LSAMP: variants seen among roughly 807,000 people sequenced by gnomAD.
LSAMP encodes the protein limbic system-associated membrane protein.
In LSAMP, 7 loss-of-function variants were observed where a neutral mutation model predicts 38.6. The observed-to-expected ratio is 0.18, with a 90% CI of 0.10 to 0.34. The LOEUF is 0.34. Ranked by LOEUF, LSAMP falls within the 10% of genes least tolerant of loss-of-function variation. LSAMP has a pLI of 1.00. For missense variants in LSAMP, 313 were observed against 420.0 expected (o/e 0.75, Z 2.23); for synonymous variants, 154 against 166.8 (o/e 0.92, Z 0.59).
chr3:116,202,938 T>G (rs949945866), intron 1 of LSAMP, among the ~76,000 whole-genome samples: 10 of 152,220 alleles, frequency 6.6e-5, no homozygotes, highest in Non-Finnish European at 1.0e-4. Flanking sequence ...CATAGAAATG[T>G]GTTCTTTGTT....
At chr3:116,176,787 G>T (rs559955432) in intron 1 of LSAMP, among the ~76,000 whole-genome samples, 1 of 152,238 alleles carries the variant, frequency 6.6e-6, no homozygotes, top group East Asian at 1.9e-4. Flanking sequence ...AATAGGAACA[G>T]AAACCAGTAA....
At chr3:116,439,939 T>A (rs1337436548) in intron 1 of LSAMP, among the ~76,000 whole-genome samples, 1 of 152,196 alleles carries the variant, frequency 6.6e-6, no homozygotes, top group African/African-American at 2.4e-5. Flanking sequence ...GCCAGGATGA[T>A]CTCAATCTCT....
rs1356676177 is a variant in LSAMP at position 115,802,621 on chromosome 3, T to C, written c.*7696A>G. 6.6e-6 allele frequency: 1 copy of C among 151,444 alleles called. No homozygotes were observed. Among genetic ancestry groups the C allele is most frequent in the East Asian group, 1.9e-4 (1 of 5,194 alleles). 9.4% of individuals were successfully genotyped at this position (151,444 alleles called of 1,614,324 possible). On this transcript the variant is annotated 3_prime_UTR_variant, in exon 7 of 7. Transcript: ENST00000490035. ...ACCTAATAAACAAAAATGAAAAACC[T>C]TGAAAAACAAAAAATCCCAAACAAA...
At chr3:116,212,389 T>A (rs988979715) in intron 1 of LSAMP, among the ~76,000 whole-genome samples, 2 of 152,186 alleles carry the variant, frequency 1.3e-5, no homozygotes, top group Admixed American at 1.3e-4. Context: ...TCAGATTAAG[T>A]GGAAAAGCCA....
At chr3:116,443,331 G>A (rs1266463804) in intron 1 of LSAMP, among the ~76,000 whole-genome samples, 12 of 152,212 alleles carry the variant, frequency 7.9e-5, no homozygotes, top group Non-Finnish European at 2.9e-5. Flanking sequence ...AGGCTGAAGA[G>A]CTAGAAGGGA....
At chr3:116,354,843 ATATGTGTG>A (rs1559839185) in intron 1 of LSAMP, among the ~76,000 whole-genome samples, 1 of 104,280 alleles carries the variant, frequency 9.6e-6, no homozygotes, top group African/African-American at 3.7e-5. Context: ...CTGGGTGTAT[ATATGTGTG>A]TGTGTGTGTG....
At chr3:115,907,907 C>G (rs987226173) in intron 3 of LSAMP, among the ~76,000 whole-genome samples, 4 of 152,082 alleles carry the variant, frequency 2.6e-5, no homozygotes, top group African/African-American at 9.7e-5. Context: ...CAACATGCCA[C>G]TTACTGGGCA....
At chr3:116,028,935 G>T (rs138039169) in intron 2 of LSAMP, among the ~76,000 whole-genome samples, 321 of 152,192 alleles carry the variant, frequency 2.1e-3, no homozygotes, top group African/African-American at 7.6e-3. Flanking sequence ...TTTAATAGAT[G>T]TCTAGACACT....
intron 3 of LSAMP, among the ~76,000 whole-genome samples, chr3:115,887,107 A>G (rs1936474297): frequency 6.6e-6 from 1 of 151,972 alleles, no homozygotes; most frequent in African/African-American, 2.4e-5. Flanking sequence ...ACCTTAAAAC[A>G]TGGGACAAAG....
chr3:115,865,617 C>T (rs1041445650), intron 3 of LSAMP, among the ~76,000 whole-genome samples: 1 of 152,144 alleles, frequency 6.6e-6, no homozygotes, highest in African/African-American at 2.4e-5. Context: ...ATAATAATCA[C>T]ACTGGAAACT....
intron 2 of LSAMP, among the ~76,000 whole-genome samples, chr3:116,055,668 A>G (rs888170420): frequency 3.3e-5 from 5 of 152,132 alleles, no homozygotes; most frequent in Admixed American, 3.3e-4. Context: ...GTCCTGGCTC[A>G]CCCTGGGACC....
intron 1 of LSAMP, among the ~76,000 whole-genome samples, chr3:116,338,731 C>T (rs1407940937): frequency 6.6e-6 from 1 of 151,950 alleles, no homozygotes; most frequent in Non-Finnish European, 1.5e-5. Flanking sequence ...CTGTCATTCT[C>T]CTCTAATTCT....
intron 1 of LSAMP, among the ~76,000 whole-genome samples, chr3:116,416,747 C>CT (rs534836306): frequency 5.3e-4 from 81 of 152,252 alleles, no homozygotes; most frequent in South Asian, 4.6e-3. Context: ...TTATCACCTC[C>CT]TGGGTCCCTT....
intron 1 of LSAMP, among the ~76,000 whole-genome samples, chr3:116,320,898 T>G (rs2047698592): frequency 1.3e-5 from 2 of 152,198 alleles, no homozygotes; most frequent in Admixed American, 6.5e-5. Flanking sequence ...TTTAGGATCA[T>G]TCTGAAATCA....
intron 3 of LSAMP, among the ~76,000 whole-genome samples, chr3:115,982,738 C>T (rs1356209235): frequency 2.0e-5 from 3 of 152,110 alleles, no homozygotes; most frequent in African/African-American, 7.2e-5. Flanking sequence ...TATTTCTCCT[C>T]TTTCTCTTTT....
chr3:116,086,417 G>C lies in LSAMP; in HGVS notation c.295C>G (p.Gln99Glu), dbSNP rs1184465262. Reference sequence around the variant, plus strand: ...CCCTCATCATAGACATCCACCTTCTGGATTCGGAGGCTGTATTCCAGAGAA... The same window carrying C: ...CCCTCATCATAGACATCCACCTTCTCGATTCGGAGGCTGTATTCCAGAGAA... ...RHSLEYSLRI[Q>E]KVDVYDEGSY... Residue 99 changes from glutamine to glutamate, a missense_variant, in exon 2 of 7, where the codon CAG becomes GAG. By Grantham distance (29) the Gln-to-Glu change is conservative. Coordinates refer to ENST00000490035, the MANE Select transcript of LSAMP (RefSeq NM_002338.5). 9.3e-6 allele frequency: 15 copies of C among 1,613,900 alleles called. No homozygotes were observed. The highest frequency in any genetic ancestry group is 1.7e-5 in the Admixed American group (1 of 59,980).
chr3:116,132,444 G>A (rs1362950537), intron 1 of LSAMP, among the ~76,000 whole-genome samples: 8 of 35,738 alleles, frequency 2.2e-4, no homozygotes, highest in Non-Finnish European at 1.8e-4. Context: ...CTCCACCCCT[G>A]AGGGATTATT....
At chr3:116,327,797 CAA>C (rs2047793883) in intron 1 of LSAMP, among the ~76,000 whole-genome samples, 1 of 152,016 alleles carries the variant, frequency 6.6e-6, no homozygotes, top group South Asian at 2.1e-4. Context: ...TAAAAGAAAA[CAA>C]AATGAATCTT....
intron 6 of LSAMP, among the ~76,000 whole-genome samples, chr3:115,828,280 T>G (rs1934491128): frequency 1.3e-5 from 2 of 152,212 alleles, no homozygotes; most frequent in Admixed American, 1.3e-4. Flanking sequence ...ATAAGACATT[T>G]GTCAGGGGCT....
Sources: allele counts gnomAD v4.1 joint callset (sites outside exome capture counted in the v4.1 genomes callset), GRCh38; gene constraint gnomAD v4.1.1; transcripts MANE v1.5; gene names NCBI Gene and HGNC (gene_info 2026-07-23, HGNC 2026-07-21).